The following CHL1 variants were observed in gnomAD, a reference collection of about 807,000 sequenced individuals.
The protein encoded by CHL1 is cell adhesion molecule L1 like.
Under a neutral mutation model 141.9 loss-of-function variants are expected in CHL1, and 96 were observed. That is an observed-to-expected ratio of 0.68 (90% CI 0.57 to 0.80). CHL1 has a LOEUF of 0.80. CHL1 is among the 30% of genes least tolerant of loss of function. The pLI, the probability that CHL1 is intolerant of heterozygous loss-of-function variation, is 0.00. For synonymous variants in CHL1, 613 were observed against 502.2 expected, an observed-to-expected ratio of 1.22 and a Z score of -2.95; for missense variants, 1,820 against 1,457.2, an observed-to-expected ratio of 1.25 and a Z score of -4.05.
chr3:254,544 C>T (rs761240169), intron 2 of CHL1, among the ~76,000 whole-genome samples: 46 of 152,128 alleles, frequency 3.0e-4, no homozygotes, highest in Non-Finnish European at 6.5e-4. Context: ...GGGCAGCAGA[C>T]ATCAGACTAT....
chr3:385,569 C>T (rs113656238), intron 19 of CHL1: 2,073 of 152,504 alleles, frequency 0.014, 48 homozygotes, highest in African/African-American at 0.047. Context: ...GTGGCTCATG[C>T]CTGTAATCCC....
intron 2 of CHL1, among the ~76,000 whole-genome samples, chr3:279,653 G>A (rs1696460089): frequency 6.6e-6 from 1 of 152,106 alleles, no homozygotes; most frequent in Non-Finnish European, 1.5e-5. Flanking sequence ...TATGGTTTTG[G>A]AAATTGATGA....
chr3:390,154 A>T (rs868523311), intron 20 of CHL1, among the ~76,000 whole-genome samples: 16 of 152,350 alleles, frequency 1.1e-4, no homozygotes, highest in Middle Eastern at 3.4e-3. Context: ...CTACCCAAAT[A>T]AAAGCACACA....
intron 9 of CHL1, among the ~76,000 whole-genome samples, chr3:346,950 G>C (rs1478932791): frequency 2.6e-5 from 4 of 152,042 alleles, no homozygotes; most frequent in Non-Finnish European, 5.9e-5. Flanking sequence ...AAAGTAAAAT[G>C]ATTATCTATA....
intron 2 of CHL1, among the ~76,000 whole-genome samples, chr3:271,029 T>C (rs1400833843): frequency 1.3e-5 from 2 of 152,148 alleles, no homozygotes; most frequent in African/African-American, 4.8e-5. Context: ...AGGAGAGAGG[T>C]ATAAGCCTCA....
intron 1 of CHL1, among the ~76,000 whole-genome samples, chr3:198,516 C>T (rs1309298977): frequency 6.6e-6 from 1 of 152,196 alleles, no homozygotes; most frequent in Non-Finnish European, 1.5e-5. Context: ...CTGGACTAGG[C>T]ATTTAACTAC....
At chr3:345,049 A>G (rs1364401666) in intron 9 of CHL1, among the ~76,000 whole-genome samples, 1 of 152,184 alleles carries the variant, frequency 6.6e-6, no homozygotes, top group Admixed American at 6.5e-5. Context: ...TTCTGTCATT[A>G]TATCTCTGGA....
At chr3:246,712 T>C (rs1309693529) in intron 2 of CHL1, 5 of 152,166 alleles carry the variant, frequency 3.3e-5, no homozygotes, top group Admixed American at 2.6e-4. Context: ...CCCAAATTTA[T>C]CTGAACTTAG....
At chr3:397,795 G>A (rs780414566) in intron 24 of CHL1, among the ~76,000 whole-genome samples, 2 of 151,922 alleles carry the variant, frequency 1.3e-5, no homozygotes, top group Non-Finnish European at 2.9e-5. Context: ...TATTTCATCA[G>A]TGTTTATGGA....
At chr3:388,917 G>A (rs1325663538) in intron 19 of CHL1, among the ~76,000 whole-genome samples, 3 of 152,202 alleles carry the variant, frequency 2.0e-5, no homozygotes, top group African/African-American at 7.2e-5. Context: ...GGAATGTAGT[G>A]GAAAGCATAA....
intron 2 of CHL1, among the ~76,000 whole-genome samples, chr3:303,541 A>T (rs1410880461): frequency 1.3e-5 from 2 of 151,882 alleles, no homozygotes; most frequent in African/African-American, 4.8e-5. Context: ...TCTGTTTGTT[A>T]TTGGTGGATA....
chr3:228,735 ATAAG>A (rs1701600423), intron 1 of CHL1, among the ~76,000 whole-genome samples: 1 of 152,168 alleles, frequency 6.6e-6, no homozygotes, highest in Non-Finnish European at 1.5e-5. Flanking sequence ...CATGAGGGAG[ATAAG>A]TAAGGTGGCA....
chr3:272,166 TTACTG>T (rs1476844669), intron 2 of CHL1, among the ~76,000 whole-genome samples: 1 of 152,220 alleles, frequency 6.6e-6, no homozygotes, highest in Non-Finnish European at 1.5e-5. Context: ...TTTTTGTGCT[TTACTG>T]TAATATTGCT....
intron 2 of CHL1, among the ~76,000 whole-genome samples, chr3:314,377 C>T (rs1378779977): frequency 2.1e-5 from 2 of 93,860 alleles, no homozygotes; most frequent in East Asian, 6.6e-4. Flanking sequence ...ATATCTGCTT[C>T]AGCAATATTC....
intron 2 of CHL1, among the ~76,000 whole-genome samples, chr3:285,892 G>A (rs550708059): frequency 1.3e-5 from 2 of 152,110 alleles, no homozygotes; most frequent in East Asian, 3.9e-4. Flanking sequence ...GTTGCAATGA[G>A]AGAGAAAGCA....
At chr3:296,015 T>A (rs1698155522) in intron 2 of CHL1, among the ~76,000 whole-genome samples, 1 of 152,126 alleles carries the variant, frequency 6.6e-6, no homozygotes, top group Non-Finnish European at 1.5e-5. Flanking sequence ...AAAAAAATAC[T>A]CCTGTAATTC....
intron 1 of CHL1, among the ~76,000 whole-genome samples, chr3:235,010 A>C (rs1691817116): frequency 6.6e-6 from 1 of 150,564 alleles, no homozygotes; most frequent in African/African-American, 2.4e-5. Flanking sequence ...TATTATTATT[A>C]TTTGTAATTA....
At chr3:315,482 A>T (rs1004433279) in intron 2 of CHL1, among the ~76,000 whole-genome samples, 2 of 152,164 alleles carry the variant, frequency 1.3e-5, no homozygotes, top group Non-Finnish European at 2.9e-5. Context: ...AAATTAAGGG[A>T]GCAAGTTGTT....
intron 1 of CHL1, among the ~76,000 whole-genome samples, chr3:224,217 T>C (rs1701121462): frequency 6.6e-6 from 1 of 152,150 alleles, no homozygotes; most frequent in South Asian, 2.1e-4. Flanking sequence ...GCTATTTTTA[T>C]CCTTGTTTTA....
Sources: allele counts gnomAD v4.1 joint callset (sites outside exome capture counted in the v4.1 genomes callset), GRCh38; gene constraint gnomAD v4.1.1; transcripts MANE v1.5; gene names NCBI Gene and HGNC (gene_info 2026-07-23, HGNC 2026-07-21).